PROM1: variants seen among roughly 807,000 people sequenced by gnomAD.
PROM1 encodes prominin 1.
PROM1 carries 105 observed loss-of-function variants against 116.9 expected under a neutral mutation model. The ratio of observed to expected loss-of-function variants is 0.90; its 90% CI spans 0.77 to 1.06. The LOEUF (loss-of-function observed/expected upper bound fraction) is 1.06. PROM1 is among the 50% of genes least tolerant of loss of function. The pLI is 0.00. For missense variants in PROM1, 1,122 were observed against 1,045.2 expected, an observed-to-expected ratio of 1.07 and a Z score of -1.01; for synonymous variants, 393 against 387.0, an observed-to-expected ratio of 1.02 and a Z score of -0.18.
intron 15 of PROM1, among the ~76,000 whole-genome samples, chr4:15,995,541 G>T (rs1201120283): frequency 6.6e-6 from 1 of 152,150 alleles, no homozygotes; most frequent in African/African-American, 2.4e-5. Context: ...ACTGCCATGG[G>T]CTGAATAATG....
rs995743423 is a variant in PROM1, at chr4:15,968,814, G to C, written c.*579C>G. ...ATCTCTGCGTGAAGAATATGCTGTA[G>C]GTTTCACACACTTTTAGTGAAAATG... On this transcript the variant is annotated 3_prime_UTR_variant, in exon 28 of 28. Transcript: ENST00000447510. The C allele has an allele frequency of 6.6e-6, 1 of 152,126 alleles. No individual in the cohort carries two copies. The highest frequency in any genetic ancestry group is 1.5e-5 in the Non-Finnish European group (1 of 68,022). 9.4% of individuals were successfully genotyped at this position (152,126 alleles called of 1,614,324 possible). A position where few individuals can be genotyped will look rare whatever the true frequency, so the allele number is the denominator to read the frequency against.
At chr4:16,020,818 A>C (rs1444999242) in intron 8 of PROM1, among the ~76,000 whole-genome samples, 1 of 152,240 alleles carries the variant, frequency 6.6e-6, no homozygotes, top group Non-Finnish European at 1.5e-5. Flanking sequence ...CATGTTTTCC[A>C]AAAGCTTCAA....
intron 2 of PROM1, among the ~76,000 whole-genome samples, chr4:16,041,279 T>C (rs1472347588): frequency 6.6e-6 from 1 of 152,248 alleles, no homozygotes; most frequent in Non-Finnish European, 1.5e-5. Context: ...AAGAAGGCTC[T>C]TGATAAAGCA....
intron 26 of PROM1, among the ~76,000 whole-genome samples, chr4:15,978,621 C>T (rs1266860771): frequency 6.6e-6 from 1 of 152,216 alleles, no homozygotes; most frequent in Non-Finnish European, 1.5e-5. Context: ...GTTAGACTCA[C>T]CCTTTTGCAT....
chr4:16,017,392 C>T (rs770784376), intron 9 of PROM1, among the ~76,000 whole-genome samples: 3 of 152,120 alleles, frequency 2.0e-5, no homozygotes, highest in African/African-American at 2.4e-5. Context: ...TGCAACTAAG[C>T]TCTAAAAAAC....
At chr4:16,069,870 T>C (rs1578306394) in intron 2 of PROM1, among the ~76,000 whole-genome samples, 2 of 152,172 alleles carry the variant, frequency 1.3e-5, no homozygotes, top group South Asian at 2.1e-4. Flanking sequence ...GAAAGTGATA[T>C]GCAGAAAACA....
chr4:16,005,786 T>C (rs796606356), intron 13 of PROM1, among the ~76,000 whole-genome samples: 14 of 152,284 alleles, frequency 9.2e-5, no homozygotes, highest in African/African-American at 3.1e-4. Flanking sequence ...AAAGAGAATA[T>C]TGACTTAGAA....
chr4:15,993,426 C>T (rs182431201), intron 16 of PROM1, among the ~76,000 whole-genome samples: 102 of 152,298 alleles, frequency 6.7e-4, no homozygotes, highest in African/African-American at 2.2e-3. Flanking sequence ...CTGGAATGGT[C>T]TTTCCTCCAA....
chr4:15,978,778 G>C (rs1716913459), intron 26 of PROM1, among the ~76,000 whole-genome samples: 1 of 152,218 alleles, frequency 6.6e-6, no homozygotes, highest in African/African-American at 2.4e-5. Context: ...TAAGCAGATA[G>C]GTCCCTGGCT....
intron 2 of PROM1, among the ~76,000 whole-genome samples, chr4:16,053,001 T>A (rs1167924298): frequency 2.6e-5 from 4 of 152,274 alleles, no homozygotes; most frequent in African/African-American, 9.6e-5. Context: ...AATATTTAAT[T>A]TGAATAAAAG....
intron 2 of PROM1, among the ~76,000 whole-genome samples, chr4:16,075,238 A>G (rs1343886944): frequency 6.6e-6 from 1 of 152,238 alleles, no homozygotes; most frequent in East Asian, 1.9e-4. Context: ...ACCCTAAGCA[A>G]TGTCAAAATT....
At chr4:16,010,187 A>G (rs1024667554) in intron 11 of PROM1, among the ~76,000 whole-genome samples, 35 of 152,204 alleles carry the variant, frequency 2.3e-4, no homozygotes, top group African/African-American at 8.4e-4. Context: ...AAGTTCAAAG[A>G]AAACCAGTTT....
Position 16,035,742 on chromosome 4 carries a change from C to G in PROM1, c.296G>C (p.Gly99Ala). 1 of 1,613,430 alleles carries G rather than the reference C, an allele frequency of 6.2e-7. No individual in the cohort carries two copies. The highest frequency in any genetic ancestry group is 8.5e-7 in the Non-Finnish European group (1 of 1,179,476). The change falls in exon 4 of 28, where the codon GGT becomes GCT. Residue 99 changes from glycine to alanine, a missense_variant. Transcript: ENST00000447510. ...DYDKPETVIL[G>A]LKIVYYEAGI... is the part of the protein sequence containing the mutation. ...AGCAGACAAGGACTTTACCTTTAGACCTAAGATTACAGTTTCTGGCTGTAG... is the reference window on the plus strand; with the variant it reads ...AGCAGACAAGGACTTTACCTTTAGAGCTAAGATTACAGTTTCTGGCTGTAG...
rs1721259585 is a variant in PROM1 at position 15,992,283 on chromosome 4, T to C, written c.1876A>G (p.Ile626Val). ...TAGCTGTCATAATTCATTCTGTCTA[T>C]TCCACAAGCAGCAAAATCCTGAAGG... ...KNLQDFAACGIDRMNYDSYLA... is the reference protein window; with the variant it reads ...KNLQDFAACGVDRMNYDSYLA... Residue 626 changes from isoleucine to valine, a missense_variant, in exon 17 of 28, where the codon ATA (isoleucine) becomes GTA (valine). Physicochemically the swap from Ile to Val is conservative, Grantham distance 29. Transcript: ENST00000447510. 1 of 1,613,978 alleles carries C rather than the reference T, an allele frequency of 6.2e-7. No individual in the cohort carries two copies. Among genetic ancestry groups the C allele is most frequent in the Non-Finnish European group, 8.5e-7 (1 of 1,179,876 alleles).
intron 5 of PROM1, among the ~76,000 whole-genome samples, chr4:16,028,408 G>A (rs1293932980): frequency 2.0e-5 from 3 of 152,026 alleles, no homozygotes; most frequent in East Asian, 1.9e-4. Context: ...AAATATTACC[G>A]TATCTTCCCA....
At chr4:16,039,554 A>C (rs535300796) in intron 2 of PROM1, among the ~76,000 whole-genome samples, 47 of 152,230 alleles carry the variant, frequency 3.1e-4, no homozygotes, top group African/African-American at 1.0e-3. Context: ...CCTGCTCAAC[A>C]TGGTGAAACT....
rs1207620112 is a variant in PROM1, at chr4:16,018,887, C to A, written c.785-347G>T. Among the ~76,000 whole-genome samples, 8 of 152,324 alleles carry A rather than the reference C, an allele frequency of 5.3e-5. No individual in the cohort carries two copies. In the East Asian group the frequency reaches 1.5e-3, roughly 29 times the overall value. On this transcript the variant is annotated intron_variant, in intron 8 of 27. Coordinates refer to ENST00000447510, the MANE Select transcript of PROM1 (RefSeq NM_006017.3). ...CTCGAAGAGCTCAGTCCAAACAAGTCAATCCCAGCAGTGTAAATGCACATC... is the reference window on the plus strand; with the variant it reads ...CTCGAAGAGCTCAGTCCAAACAAGTAAATCCCAGCAGTGTAAATGCACATC...
At chr4:16,020,583 T>C (rs1033036126) in intron 8 of PROM1, among the ~76,000 whole-genome samples, 2 of 152,126 alleles carry the variant, frequency 1.3e-5, no homozygotes, top group Admixed American at 6.5e-5. Flanking sequence ...ACACTTCATG[T>C]TTTAATGTTC....
chr4:16,032,220 A>G (rs1732883117), intron 5 of PROM1, among the ~76,000 whole-genome samples: 1 of 151,426 alleles, frequency 6.6e-6, no homozygotes, highest in Admixed American at 6.6e-5. Flanking sequence ...TTCATCTGTC[A>G]TGGTGACTGG....
Sources: allele counts gnomAD v4.1 joint callset (sites outside exome capture counted in the v4.1 genomes callset), GRCh38; gene constraint gnomAD v4.1.1; transcripts MANE v1.5; gene names NCBI Gene and HGNC (gene_info 2026-07-23, HGNC 2026-07-21).